The following CNTN5 variants were observed in gnomAD, a reference collection of about 807,000 sequenced individuals.
CNTN5 encodes the protein contactin 5.
Under a neutral mutation model 129.1 loss-of-function variants are expected in CNTN5, and 77 were observed. The observed-to-expected ratio is 0.60, with a 90% CI of 0.50 to 0.72. The LOEUF is 0.72. Ranked by LOEUF, CNTN5 falls within the 30% of genes least tolerant of loss-of-function variation. The probability of loss-of-function intolerance (pLI) is 0.00; values close to 1 mark genes in which losing one functional copy is unlikely to be tolerated. For synonymous variants in CNTN5, 509 were observed against 465.6 expected (o/e 1.09, Z -1.20); for missense variants, 1,478 against 1,328.8 (o/e 1.11, Z -1.75).
At chr11:99,480,850 G>A (rs116920294) in intron 2 of CNTN5, among the ~76,000 whole-genome samples, 2,279 of 152,122 alleles carry the variant, frequency 0.015, 102 homozygotes, top group Admixed American at 0.091. Context: ...CAACATCAGG[G>A]CATCTTTTAC....
rs138778591 is a variant in CNTN5, at chr11:99,127,789, G to A, written c.-210+106519G>A. Among the ~76,000 whole-genome samples the A allele has an allele frequency of 2.2e-4, 34 of 152,112 alleles. 1 individual carries two copies. In the East Asian group the frequency reaches 6.2e-3, roughly 28 times the overall value. On this transcript the variant is annotated intron_variant, in intron 1 of 24. Coordinates refer to ENST00000524871, the MANE Select transcript of CNTN5 (RefSeq NM_014361.4). ...TTACAAAGCATTCCTTGACCTTTAG[G>A]GCTGTGTGAGGTATTTTGTCCAGTG...
chr11:100,056,428 G>GA (rs549251012), intron 9 of CNTN5, among the ~76,000 whole-genome samples: 68 of 145,946 alleles, frequency 4.7e-4, no homozygotes, highest in Middle Eastern at 3.5e-3. Context: ...GACATACCAT[G>GA]AAAAAAAAAA....
intron 13 of CNTN5, among the ~76,000 whole-genome samples, chr11:100,175,032 A>G (rs968128949): frequency 6.6e-6 from 1 of 152,106 alleles, no homozygotes. Context: ...GTTAAAGAGT[A>G]TGAATTTCTT....
At chr11:100,000,798 C>T (rs554456488) in intron 8 of CNTN5, among the ~76,000 whole-genome samples, 9 of 152,326 alleles carry the variant, frequency 5.9e-5, no homozygotes, top group African/African-American at 2.2e-4. Context: ...AACCTGAACT[C>T]TTGCCTTCTG....
At chr11:100,233,075 G>C (rs531040937) in intron 16 of CNTN5, among the ~76,000 whole-genome samples, 1 of 152,224 alleles carries the variant, frequency 6.6e-6, no homozygotes, top group Admixed American at 6.5e-5. Flanking sequence ...TCACTAACAA[G>C]TAGAAGAATA....
At chr11:100,089,329 T>C (rs1198319581) in intron 13 of CNTN5, among the ~76,000 whole-genome samples, 2 of 152,098 alleles carry the variant, frequency 1.3e-5, no homozygotes, top group African/African-American at 4.8e-5. Context: ...CCGATCATTA[T>C]AGAAAGGCAA....
rs184429648 is a variant in CNTN5, at chr11:99,290,050, A to T, written c.-209-35296A>T. ...TTCTGCTACATCTGAAGTTATTAAA[A>T]ATGAACTCTGAATATTTTTAATACC... On this transcript the variant is annotated intron_variant, in intron 1 of 24. Transcript: ENST00000524871. Among the ~76,000 whole-genome samples, 993 of 151,926 alleles carry T rather than the reference A, an allele frequency of 6.5e-3. 2 individuals are homozygous for T. Among genetic ancestry groups the T allele is most frequent in the Non-Finnish European group, 0.011 (755 of 67,724 alleles).
At chr11:99,746,483 G>T (rs2135190528) in intron 3 of CNTN5, among the ~76,000 whole-genome samples, 1 of 152,250 alleles carries the variant, frequency 6.6e-6, no homozygotes, top group Middle Eastern at 3.4e-3. Context: ...GGACTGTTAG[G>T]AACTGGGCAG....
intron 7 of CNTN5, among the ~76,000 whole-genome samples, chr11:99,918,961 C>A (rs376809625): frequency 6.6e-6 from 1 of 152,236 alleles, no homozygotes; most frequent in East Asian, 1.9e-4. Flanking sequence ...CATTCCTGCA[C>A]CTTTCAAGTT....
At chr11:99,090,758 C>T (rs1163514985) in intron 1 of CNTN5, among the ~76,000 whole-genome samples, 7 of 149,280 alleles carry the variant, frequency 4.7e-5, no homozygotes, top group Non-Finnish European at 7.4e-5. Context: ...CGCGGTGGCT[C>T]ACGCCTGTAA....
intron 1 of CNTN5, among the ~76,000 whole-genome samples, chr11:99,168,457 G>C (rs12796631): frequency 0.14 from 20,739 of 152,068 alleles, 1,864 homozygotes; most frequent in Non-Finnish European, 0.2. Context: ...GCATGCACCT[G>C]TAGTCCCAGC....
chr11:100,160,346 G>C, intron 13 of CNTN5, among the ~76,000 whole-genome samples: 1 of 151,946 alleles, frequency 6.6e-6, no homozygotes, highest in Admixed American at 6.6e-5. Flanking sequence ...TTGGTGCCAA[G>C]TCTTTGCTAT....
chr11:99,716,213 T>C (rs1955214671), intron 3 of CNTN5, among the ~76,000 whole-genome samples: 1 of 152,036 alleles, frequency 6.6e-6, no homozygotes, highest in Non-Finnish European at 1.5e-5. Context: ...CCCTTAACAA[T>C]TCCTGTTGGA....
At chr11:99,253,760 C>T (rs937502496) in intron 1 of CNTN5, among the ~76,000 whole-genome samples, 1 of 151,280 alleles carries the variant, frequency 6.6e-6, no homozygotes, top group African/African-American at 2.4e-5. Context: ...ACACTCGTTC[C>T]TCGTGTGCAT....
intron 2 of CNTN5, among the ~76,000 whole-genome samples, chr11:99,438,466 G>C (rs1172765391): frequency 6.6e-6 from 1 of 151,904 alleles, no homozygotes; most frequent in Non-Finnish European, 1.5e-5. Context: ...ACAATTTTAG[G>C]TCACCTAAAA....
At chr11:99,777,457 C>G (rs543752632) in intron 3 of CNTN5, among the ~76,000 whole-genome samples, 255 of 151,952 alleles carry the variant, frequency 1.7e-3, no homozygotes, top group Non-Finnish European at 3.3e-3. Flanking sequence ...GTAAACGATG[C>G]TAACACAATG....
intron 2 of CNTN5, among the ~76,000 whole-genome samples, chr11:99,547,398 C>T (rs1307191848): frequency 3.3e-5 from 5 of 152,092 alleles, no homozygotes; most frequent in African/African-American, 1.2e-4. Flanking sequence ...CTATAGGGAG[C>T]CTGCAATGCC....
At chr11:99,719,436 T>C (rs1449977726) in intron 3 of CNTN5, among the ~76,000 whole-genome samples, 1 of 152,044 alleles carries the variant, frequency 6.6e-6, no homozygotes, top group African/African-American at 2.4e-5. Flanking sequence ...GAGTAAAATG[T>C]ATGCAAATTT....
intron 6 of CNTN5, among the ~76,000 whole-genome samples, chr11:99,865,970 A>T (rs193086543): frequency 0.017 from 2,476 of 148,856 alleles, 31 homozygotes; most frequent in Middle Eastern, 0.067. Flanking sequence ...TATATTTTTT[A>T]AAAAATTCAC....
Sources: allele counts gnomAD v4.1 joint callset (sites outside exome capture counted in the v4.1 genomes callset), GRCh38; gene constraint gnomAD v4.1.1; transcripts MANE v1.5; gene names NCBI Gene and HGNC (gene_info 2026-07-23, HGNC 2026-07-21).